The following AFAP1 variants were observed in gnomAD, a reference collection of about 807,000 sequenced individuals.
AFAP1 encodes the protein actin filament-associated protein 1.
AFAP1 carries 75 observed loss-of-function variants against 93.9 expected under a neutral mutation model. The observed-to-expected ratio is 0.80, with a 90% confidence interval of 0.66 to 0.97. The LOEUF is 0.97. AFAP1 is among the 50% of genes least tolerant of loss of function. AFAP1 has a pLI of 0.00. For synonymous variants in AFAP1, 517 were observed against 430.7 expected, an observed-to-expected ratio of 1.20 and a Z score of -2.48; for missense variants, 1,201 against 1,050.8, an observed-to-expected ratio of 1.14 and a Z score of -1.98.
chr4:7,766,509 C>T (rs1035576788), intron 17 of AFAP1, among the ~76,000 whole-genome samples: 1 of 152,168 alleles, frequency 6.6e-6, no homozygotes, highest in Non-Finnish European at 1.5e-5. Flanking sequence ...CCTGTATCCT[C>T]CACTCAACTC....
intron 12 of AFAP1, among the ~76,000 whole-genome samples, chr4:7,785,321 C>T (rs1274747097): frequency 1.3e-5 from 2 of 152,078 alleles, no homozygotes; most frequent in East Asian, 1.9e-4. Context: ...CCGAGGCCAG[C>T]GTAACAGGGA....
chr4:7,786,091 G>T, intron 12 of AFAP1, 103 bp downstream of exon 12: 2 of 1,038,646 alleles, frequency 1.9e-6, no homozygotes, highest in Non-Finnish European at 2.9e-6. Context: ...GCATTAAAAA[G>T]CTGACCTTAT....
At chr4:7,869,513 T>G (rs557235440) in intron 2 of AFAP1, among the ~76,000 whole-genome samples, 12 of 152,352 alleles carry the variant, frequency 7.9e-5, no homozygotes, top group African/African-American at 2.6e-4. Context: ...CAAGCTCACA[T>G]GTCTTGGGCA....
intron 1 of AFAP1, among the ~76,000 whole-genome samples, chr4:7,881,382 T>G (rs1395958317): frequency 6.6e-6 from 1 of 152,050 alleles, no homozygotes; most frequent in East Asian, 1.9e-4. Flanking sequence ...ATTCTGCCAA[T>G]GCCAATGAGC....
chr4:7,851,245 G>A (rs963642684), intron 4 of AFAP1, among the ~76,000 whole-genome samples: 13 of 152,116 alleles, frequency 8.5e-5, no homozygotes, highest in East Asian at 1.9e-4. Flanking sequence ...AACCTGAGCC[G>A]CCCTGCATGG....
intron 15 of AFAP1, chr4:7,773,238 G>T (rs1715688253): frequency 1.5e-5 from 9 of 610,030 alleles, no homozygotes; most frequent in African/African-American, 1.9e-5. Flanking sequence ...CAGGAAAGAG[G>T]AGATGCTGAT....
intron 4 of AFAP1, chr4:7,843,669 A>C: frequency 3.6e-6 from 1 of 279,382 alleles, no homozygotes; most frequent in Non-Finnish European, 6.9e-6. Flanking sequence ...GACGAGCGCC[A>C]TCCTCATTCT....
In AFAP1 at chr4:7,819,071, C is replaced by T. The variant is rs1156625015; in HGVS notation, c.822+5G>A. 1 of 1,606,448 alleles carries T rather than the reference C, an allele frequency of 6.2e-7. No homozygotes were observed. The highest frequency in any genetic ancestry group is 1.3e-5 in the African/African-American group (1 of 74,568). ...GTCCCCACCCAGCAAGAGCAGCGCCCTTACCTTCTCCAGTTCTGCCTTGTG... is the reference window on the plus strand; with the variant it reads ...GTCCCCACCCAGCAAGAGCAGCGCCTTTACCTTCTCCAGTTCTGCCTTGTG... On this transcript the variant is annotated splice_donor_5th_base_variant and intron_variant, in intron 7 of 17. Transcript: ENST00000420658.
intron 1 of AFAP1, among the ~76,000 whole-genome samples, chr4:7,885,008 C>T (rs1718065546): frequency 6.6e-6 from 1 of 152,178 alleles, no homozygotes; most frequent in Non-Finnish European, 1.5e-5. Flanking sequence ...ATGGTTACAC[C>T]TTTCTTTGAC....
intron 1 of AFAP1, among the ~76,000 whole-genome samples, chr4:7,877,572 T>C (rs1717588906): frequency 6.6e-6 from 1 of 152,210 alleles, no homozygotes; most frequent in Admixed American, 6.5e-5. Flanking sequence ...ACAGAAAGGC[T>C]GCCTACGGTC....
chr4:7,819,194 G>A, intron 6 of AFAP1, 23 bp from the exon 7 acceptor site: 2 of 1,589,610 alleles, frequency 1.3e-6, no homozygotes, highest in Non-Finnish European at 1.7e-6. Context: ...CAGACACTTT[G>A]TGAGTATGCC....
chr4:7,817,342 C>G (rs142167893), intron 7 of AFAP1, among the ~76,000 whole-genome samples: 1 of 152,168 alleles, frequency 6.6e-6, no homozygotes, highest in East Asian at 1.9e-4. Flanking sequence ...GTGGCTCACA[C>G]CTGTAATCCC....
chr4:7,763,586 T>G lies in AFAP1; in HGVS notation c.*179A>C. On this transcript the variant is annotated 3_prime_UTR_variant, in exon 18 of 18. Coordinates refer to ENST00000420658, the MANE Select transcript of AFAP1 (RefSeq NM_001134647.2). ...TTACATCTTTTTTAAAGGCGCCATT[T>G]TACAGTAGAAAGAATACAAGTGGGC... 3 of 620,982 alleles carry G rather than the reference T, an allele frequency of 4.8e-6. No homozygotes were observed. In the South Asian group the frequency reaches 8.8e-5, roughly 18 times the overall value. 38.5% of individuals were successfully genotyped at this position (620,982 alleles called of 1,614,324 possible).
At chr4:7,852,672 G>C (rs1247539294) in intron 4 of AFAP1, among the ~76,000 whole-genome samples, 3 of 152,062 alleles carry the variant, frequency 2.0e-5, no homozygotes, top group Non-Finnish European at 4.4e-5. Flanking sequence ...GGGGGCACCG[G>C]GAATACAAAA....
chr4:7,887,954 G>C (rs76514220), intron 1 of AFAP1, among the ~76,000 whole-genome samples: 1 of 152,028 alleles, frequency 6.6e-6, no homozygotes, highest in Admixed American at 6.6e-5. Context: ...AGCCTCCCAA[G>C]TAGCTGGGAT....
intron 17 of AFAP1, among the ~76,000 whole-genome samples, chr4:7,767,611 T>C (rs543118669): frequency 2.0e-5 from 3 of 152,072 alleles, no homozygotes; most frequent in African/African-American, 7.2e-5. Flanking sequence ...ACACACACGG[T>C]CTTCAGTACA....
intron 11 of AFAP1, among the ~76,000 whole-genome samples, chr4:7,786,515 C>G (rs763148977): frequency 1.4e-4 from 21 of 152,310 alleles, no homozygotes; most frequent in African/African-American, 2.6e-4. Context: ...ACATAATCTG[C>G]AGAACTGCGG....
intron 1 of AFAP1, among the ~76,000 whole-genome samples, chr4:7,879,479 C>T (rs566684886): frequency 6.0e-4 from 91 of 152,234 alleles, no homozygotes; most frequent in Middle Eastern, 6.8e-3. Flanking sequence ...CACAGACTGG[C>T]ATCAAGGACA....
In AFAP1 at chr4:7,763,760, G is replaced by A. The variant is rs370028800; in HGVS notation, c.*5C>T. ...TCTCTGAGGCTGGAGTGGTGCTGCT[G>A]TCCCCTAGGTCCCGTTCTTCAATTC... is the stretch of plus-strand genomic sequence containing the variant. On this transcript the variant is annotated 3_prime_UTR_variant, in exon 18 of 18. Transcript: ENST00000420658. 6.4e-6 allele frequency: 10 copies of A among 1,551,540 alleles called. No homozygotes were observed. Among genetic ancestry groups the A allele is most frequent in the South Asian group, 1.2e-5 (1 of 84,046 alleles).
Sources: allele counts gnomAD v4.1 joint callset (sites outside exome capture counted in the v4.1 genomes callset), GRCh38; gene constraint gnomAD v4.1.1; transcripts MANE v1.5; gene names NCBI Gene and HGNC (gene_info 2026-07-23, HGNC 2026-07-21).